The following SLC22A31 variants were observed in gnomAD, a reference collection of about 807,000 sequenced individuals.
SLC22A31 encodes the protein solute carrier family 22 member 31.
In SLC22A31, 42 loss-of-function variants were observed where a neutral mutation model predicts 27.4. The observed-to-expected ratio is 1.53, with a 90% CI of 1.20 to 1.98. The LOEUF is 1.98. SLC22A31 is among the 30% of genes most tolerant of loss of function. The pLI, the probability that SLC22A31 is intolerant of heterozygous loss-of-function variation, is 0.00. For synonymous variants in SLC22A31, 290 were observed against 230.8 expected, an observed-to-expected ratio of 1.26 and a Z score of -2.33; for missense variants, 593 against 479.9, an observed-to-expected ratio of 1.24 and a Z score of -2.20.
chr16:89,199,380 T>TC (rs1197931681), intron 3 of SLC22A31, 33 bp downstream of exon 3: 2 of 598,428 alleles, frequency 3.3e-6, no homozygotes. Context: ...CCACTGCCCC[T>TC]CCCCCAGTGA....
Position 89,198,544 on chromosome 16 carries a change from G to A in SLC22A31, c.605C>T (p.Thr202Ile), listed in dbSNP as rs549068936. ...CTGGGGGCTCCGTGCAGACAGCATG[G>A]TCAGCTCTGTAGCCGCAGAGATGTG... Reference protein sequence around the residue: ...LEENSLATELTMLSARSPQPR... With the variant: ...LEENSLATELIMLSARSPQPR... Residue 202 changes from threonine to isoleucine, a missense_variant, in exon 6 of 9, where the codon ACC (threonine) becomes ATC (isoleucine). Physicochemically the swap from Thr to Ile is moderately conservative, Grantham distance 89 (BLOSUM62 -1). Transcript: ENST00000682282. 347 of 1,508,310 alleles carry A rather than the reference G, an allele frequency of 2.3e-4. 2 individuals are homozygous for A. In the Middle Eastern group the frequency reaches 2.4e-3, roughly 10 times the overall value. 93.4% of individuals were successfully genotyped at this position (1,508,310 alleles called of 1,614,324 possible).
chr16:89,201,508 C>T (rs992552591), upstream of SLC22A31: 8 of 397,052 alleles, frequency 2.0e-5, no homozygotes, highest in Admixed American at 1.3e-4. Flanking sequence ...AGCGTGGGGT[C>T]CGGTCGGCAG....
upstream of SLC22A31, chr16:89,201,456 A>T (rs1017906106): frequency 1.0e-5 from 4 of 391,006 alleles, no homozygotes; most frequent in Non-Finnish European, 1.8e-5. Flanking sequence ...GGCGGCGTCC[A>T]GCAGCGCGGG....
At position 89,195,829 on chromosome 16, in the gene SLC22A31, C is replaced by A. The variant is rs1915827896; in HGVS notation, c.*170G>T. ...GGGGGAGACCCAGGGCCTCCCAGTG[C>A]CTGGGGCCTGGCTGGAGACACCTTC... On this transcript the variant is annotated 3_prime_UTR_variant, in exon 9 of 9. Transcript: ENST00000682282. 2 of 707,416 alleles carry A rather than the reference C, an allele frequency of 2.8e-6. No homozygotes were observed. Among genetic ancestry groups the A allele is most frequent in the Admixed American group, 3.5e-5 (1 of 28,934 alleles). 43.8% of individuals were successfully genotyped at this position (707,416 alleles called of 1,614,324 possible).
At chr16:89,197,204 G>T in intron 8 of SLC22A31, 94 bp downstream of exon 8, 1 of 896,700 alleles carries the variant, frequency 1.1e-6, no homozygotes, top group East Asian at 2.7e-5. Flanking sequence ...GAACCTGGGT[G>T]GGGTATGGGG....
upstream of SLC22A31, chr16:89,201,041 C>T: frequency 2.8e-6 from 1 of 362,900 alleles, no homozygotes; most frequent in Admixed American, 4.7e-5. Flanking sequence ...TGGCAGCTCC[C>T]AGGCCCAGAT....
chr16:89,198,285 C>T lies in SLC22A31; in HGVS notation c.759G>A (p.Gln253=). ...AGTAGGGCAGGTAGAAGGTCGGCAC[C>T]TGAGGTGCCAGGCTGCGGCGGAAGC... ...RASFRRSLAP[Q]VPTFYLPYFL... The change falls in exon 7 of 9, where the codon CAG becomes CAA. Residue 253 remains glutamine (Q), a synonymous_variant. Transcript: ENST00000682282. The T allele has an allele frequency of 6.5e-7, 1 of 1,535,962 alleles. No individual in the cohort carries two copies. Among genetic ancestry groups the T allele is most frequent in the Non-Finnish European group, 8.7e-7 (1 of 1,146,904 alleles).
rs778983969 is a variant in SLC22A31, at chr16:89,196,203, G to A, written c.1137C>T (p.Val379=). The A allele has an allele frequency of 3.0e-5, 46 of 1,534,946 alleles. 1 individual carries two copies. Among genetic ancestry groups the A allele is most frequent in the South Asian group, 2.7e-4 (23 of 84,054 alleles). Residue 379 remains valine (V), a synonymous_variant, in exon 9 of 9, where the codon GTC becomes GTT. Coordinates refer to ENST00000682282, the MANE Select transcript of SLC22A31 (RefSeq NM_001384763.1). ...CAAGGACAGCAAGGGAGGCGAAGACGACTTGTTGCAGGAAGAAGCCCTGCC... is the reference window on the plus strand; with the variant it reads ...CAAGGACAGCAAGGGAGGCGAAGACAACTTGTTGCAGGAAGAAGCCCTGCC... ...HGRQGFFLQQ[V]VFASLAVLAL...
chr16:89,199,333 G>C, intron 3 of SLC22A31, 80 bp downstream of exon 3: 1 of 870,892 alleles, frequency 1.1e-6, no homozygotes, highest in Admixed American at 2.9e-5. Context: ...GCAGCTCGGG[G>C]CCCTCGGCAA....
upstream of SLC22A31, chr16:89,200,972 C>T (rs1916548070): frequency 2.9e-6 from 1 of 348,400 alleles, no homozygotes; most frequent in Non-Finnish European, 5.2e-6. Context: ...ATTCCAGGCC[C>T]TGCTCCCCCA....
rs1245347060 is a variant in SLC22A31 at position 89,197,371 on chromosome 16, C to A, written c.961G>T (p.Gly321Trp). 1 of 1,535,748 alleles carries A rather than the reference C, an allele frequency of 6.5e-7. No individual in the cohort carries two copies. The highest frequency in any genetic ancestry group is 1.2e-5 in the South Asian group (1 of 84,028). Residue 321 changes from glycine to tryptophan, a missense_variant, in exon 8 of 9, where the codon GGG becomes TGG. Gly to Trp is a radical substitution (Grantham distance 184). Coordinates refer to ENST00000682282, the MANE Select transcript of SLC22A31 (RefSeq NM_001384763.1). The part of the protein sequence containing the change: ...GWTVLFLSVL[G>W]LLASRAVSAL... ...GACACAGCCCGGGAGGCCAGGAGCC[C>A]CAGGACAGAGAGGAACAGCACAGTC...
In SLC22A31 at chr16:89,196,134, C is replaced by A; in HGVS notation, c.1206G>T (p.Gly402=). ...CGGCGTCCTGCAGTGACTGGGGCAG[C>A]CCCCGGCTTCGGCTCTCAGGCAGCA... is the stretch of plus-strand genomic sequence containing the variant. ...VLLLPESRSR[G]LPQSLQDADR... The change falls in exon 9 of 9, where the codon GGG becomes GGT. Residue 402 remains glycine, a synonymous_variant. Transcript: ENST00000682282. 6.5e-7 allele frequency: 1 copy of A among 1,534,842 alleles called. No homozygotes were observed. Among genetic ancestry groups the A allele is most frequent in the South Asian group, 1.2e-5 (1 of 84,038 alleles).
intron 1 of SLC22A31, 173 bp downstream of exon 1, chr16:89,200,305 G>A (rs1489837299): frequency 1.3e-5 from 2 of 153,064 alleles, no homozygotes; most frequent in Admixed American, 1.3e-4. Context: ...TTTCAAGAGG[G>A]ACTCGGGCAG....
Position 89,196,152 on chromosome 16 carries a change from A to C in SLC22A31, c.1188T>G (p.Pro396=). 6.5e-7 allele frequency: 1 copy of C among 1,535,036 alleles called. No homozygotes were observed. The change falls in exon 9 of 9, where the codon CCT becomes CCG. Residue 396 remains proline, a synonymous_variant. Transcript: ENST00000682282. ...GGGGCAGCCCCCGGCTTCGGCTCTC[A>C]GGCAGCAGCAGGACACACAGCAGGG... The part of the protein sequence containing the change: ...VLALLCVLLL[P]ESRSRGLPQS...
At position 89,198,471 on chromosome 16, in the gene SLC22A31, C is replaced by G; in HGVS notation, c.678G>C (p.Trp226Cys). 1 of 1,520,604 alleles carries G rather than the reference C, an allele frequency of 6.6e-7. No homozygotes were observed. The allele number at this position is 1,520,604 out of a possible 1,614,324, so 94.2% of individuals were successfully genotyped here. The change falls in exon 6 of 9, where the codon TGG becomes TGC. Residue 226 changes from tryptophan to cysteine, a missense_variant. Trp to Cys is a radical substitution (Grantham distance 215). Coordinates refer to ENST00000682282, the MANE Select transcript of SLC22A31 (RefSeq NM_001384763.1). ...PLGLLRTRVT[W>C]RNGLILGFSS... is the part of the protein sequence containing the mutation. ...TGAAGCCCAAGATAAGCCCGTTTCT[C>G]CAGGTGACTCGGGTACGCAGAAGCC...
At position 89,198,213 on chromosome 16, in the gene SLC22A31, C is replaced by A; in HGVS notation, c.831G>T (p.Leu277=). 3 of 1,535,916 alleles carry A rather than the reference C, an allele frequency of 2.0e-6. No individual in the cohort carries two copies. Among genetic ancestry groups the A allele is most frequent in the Non-Finnish European group, 2.6e-6 (3 of 1,146,894 alleles). Residue 277 remains leucine (L), a synonymous_variant, in exon 7 of 9, where the codon CTG becomes CTT. Transcript: ENST00000682282. ...LEAAALVFLL[L]TADCCGRRPV... ...GGCGGCGTCCACAGCAATCTGCCGT[C>A]AGGAGCAGGAAGACCAAGGCTGCCG...
In SLC22A31 at chr16:89,197,324, C is replaced by T. The variant is rs752089785; in HGVS notation, c.1008G>A (p.Ala336=). The T allele has an allele frequency of 7.4e-5, 114 of 1,535,784 alleles. No individual in the cohort carries two copies. The highest frequency in any genetic ancestry group is 2.0e-4 in the Admixed American group (10 of 50,990). ...RAVSALSSLF[A]AEVFPTVIRG... ...TGATCACCGTGGGGAAGACCTCGGCCGCGAAGAGGCTGCTGAGTGCGGACA... is the reference window on the plus strand; with the variant it reads ...TGATCACCGTGGGGAAGACCTCGGCTGCGAAGAGGCTGCTGAGTGCGGACA... The change falls in exon 8 of 9, where the codon GCG becomes GCA. Residue 336 remains alanine, a synonymous_variant. Coordinates refer to ENST00000682282, the MANE Select transcript of SLC22A31 (RefSeq NM_001384763.1).
chr16:89,197,521 C>A, intron 7 of SLC22A31, 112 bp from the exon 8 acceptor site: 3 of 705,416 alleles, frequency 4.3e-6, no homozygotes, highest in Non-Finnish European at 6.9e-6. Flanking sequence ...ACTTTCCAAG[C>A]CTCCTTTTCC....
chr16:89,197,204 G>C, intron 8 of SLC22A31, 94 bp downstream of exon 8: 1 of 896,702 alleles, frequency 1.1e-6, no homozygotes, highest in South Asian at 1.7e-5. Flanking sequence ...GAACCTGGGT[G>C]GGGTATGGGG....
Sources: allele counts gnomAD v4.1 joint callset, GRCh38; gene constraint gnomAD v4.1.1; transcripts MANE v1.5; gene names NCBI Gene and HGNC (gene_info 2026-07-23, HGNC 2026-07-21).